KCNJ18: variants seen among roughly 807,000 people sequenced by gnomAD.
KCNJ18 encodes the protein potassium inwardly rectifying channel subfamily J member 18, also known as inward rectifier potassium channel 18.
A neutral mutation model predicts 17.3 loss-of-function variants in KCNJ18; 16 were observed. The ratio of observed to expected loss-of-function variants is 0.92; its 90% CI spans 0.62 to 1.40. KCNJ18 has a LOEUF of 1.40. KCNJ18 is among the 40% of genes most tolerant of loss of function. The pLI, the probability that KCNJ18 is intolerant of heterozygous loss-of-function variation, is 0.00. For synonymous variants in KCNJ18, 185 were observed against 262.6 expected, an observed-to-expected ratio of 0.70 and a Z score of 2.86; for missense variants, 462 against 626.8, an observed-to-expected ratio of 0.74 and a Z score of 2.81.
intron 1 of KCNJ18, among the ~76,000 whole-genome samples, chr17:21,693,471 C>T (rs1335494421): frequency 1.7e-3 from 261 of 152,366 alleles, no homozygotes; most frequent in Middle Eastern, 6.8e-3. Context: ...CTTCTGGCCC[C>T]CACCCCTGCT....
rs1306186601 is a variant in KCNJ18, at chr17:21,703,214, C to T, written c.428C>T (p.Thr143Ile). 2 of 1,610,938 alleles carry T rather than the reference C, an allele frequency of 1.2e-6. No individual in the cohort carries two copies. The highest frequency in any genetic ancestry group is 3.3e-5 in the Admixed American group (2 of 59,870). The stretch of plus-strand genomic sequence containing the variant: ...CTCTTCTCCATCGAGACGCAGACCA[C>T]CATCGGCTACGGGCTGCGCTGTGTG... ...AFLFSIETQTTIGYGLRCVTE... is the reference protein window; with the variant it reads ...AFLFSIETQTIIGYGLRCVTE... The change falls in exon 3 of 3, where the codon ACC (threonine) becomes ATC (isoleucine). Residue 143 changes from threonine to isoleucine, a missense_variant. Thr to Ile is a moderately conservative substitution (Grantham distance 89). Coordinates refer to ENST00000567955, the MANE Select transcript of KCNJ18 (RefSeq NM_001194958.2).
chr17:21,694,830 A>G (rs1431435631), intron 1 of KCNJ18, among the ~76,000 whole-genome samples: 2 of 151,720 alleles, frequency 1.3e-5, no homozygotes, highest in Non-Finnish European at 2.9e-5. Flanking sequence ...CCATCCATGC[A>G]CCCGTCACCC....
At chr17:21,693,440 G>C (rs1442083601) in intron 1 of KCNJ18, among the ~76,000 whole-genome samples, 1 of 152,310 alleles carries the variant, frequency 6.6e-6, no homozygotes, top group East Asian at 1.9e-4. Context: ...AGCAGGATGT[G>C]GATAGATGCT....
At chr17:21,695,002 A>C (rs1905713499) in intron 1 of KCNJ18, among the ~76,000 whole-genome samples, 1 of 150,614 alleles carries the variant, frequency 6.6e-6, no homozygotes, top group Admixed American at 6.6e-5. Flanking sequence ...TCGTCTATCC[A>C]TCCATCCACC....
chr17:21,693,267 T>C (rs1905657008), intron 1 of KCNJ18, among the ~76,000 whole-genome samples: 1 of 152,266 alleles, frequency 6.6e-6, no homozygotes, highest in Non-Finnish European at 1.5e-5. Context: ...GGAAATTCGC[T>C]TCTCTGCTCT....
In KCNJ18 at chr17:21,703,607, T is replaced by C. The variant is rs1270150359; in HGVS notation, c.821T>C (p.Ile274Thr). The change falls in exon 3 of 3, where the codon ATT becomes ACT. Residue 274 changes from isoleucine (I) to threonine (T), a missense_variant. Ile to Thr is a moderately conservative substitution (Grantham distance 89). This residue lies in a region of KCNJ18 where 55 missense variants were observed against 69.1 expected (regional missense o/e 0.80). Transcript: ENST00000567955. ...LVSPITILHE[I>T]DEASPLFGIS... ...TCGCCCATCACCATCTTGCATGAAA[T>C]TGACGAGGCCAGCCCGCTCTTCGGC... The C allele has an allele frequency of 9.9e-6, 16 of 1,612,952 alleles. No homozygotes were observed. In the Admixed American group the frequency reaches 1.7e-4, roughly 17 times the overall value.
rs1254959352 is a variant in KCNJ18 at position 21,703,033 on chromosome 17, A to ATGCT, written c.248_251dup (p.Leu85AlafsTer28). On this transcript the variant is annotated frameshift_variant, in exon 3 of 3. Transcript: ENST00000567955. LOFTEE classifies it high-confidence loss of function. ...CTGTGTGGACATCCGCTGGCGCTAC[A>ATGCT]TGCTGCTCATCTTCTCGCTGGCCTT... 6.2e-7 allele frequency: 1 copy of ATGCT among 1,613,222 alleles called. No homozygotes were observed. The highest frequency in any genetic ancestry group is 8.5e-7 in the Non-Finnish European group (1 of 1,179,900).
chr17:21,699,958 G>A (rs1363227768), intron 2 of KCNJ18, among the ~76,000 whole-genome samples: 584 of 152,390 alleles, frequency 3.8e-3, no homozygotes, highest in African/African-American at 0.013. Flanking sequence ...GTCCCTCAAG[G>A]CCCCTGGGCC....
In KCNJ18 at chr17:21,703,233, C is replaced by A; in HGVS notation, c.447C>A (p.Arg149=). 1 of 1,611,432 alleles carries A rather than the reference C, an allele frequency of 6.2e-7. No individual in the cohort carries two copies. Residue 149 remains arginine, a synonymous_variant, in exon 3 of 3, where the codon CGC becomes CGA. Transcript: ENST00000567955. Reference sequence around the variant, plus strand: ...AGACCACCATCGGCTACGGGCTGCGCTGTGTGACGGAGGAGTGCCTGGTGG... The same window carrying A: ...AGACCACCATCGGCTACGGGCTGCGATGTGTGACGGAGGAGTGCCTGGTGG... The part of the protein sequence containing the change: ...ETQTTIGYGL[R]CVTEECLVAV...
intron 1 of KCNJ18, among the ~76,000 whole-genome samples, chr17:21,695,698 T>C (rs1371822214): frequency 6.6e-6 from 1 of 152,300 alleles, no homozygotes; most frequent in Non-Finnish European, 1.5e-5. Flanking sequence ...ATGATGTATG[T>C]AAAATGCCTA....
intron 2 of KCNJ18, among the ~76,000 whole-genome samples, chr17:21,699,488 C>G (rs1328862611): frequency 1.3e-5 from 2 of 152,150 alleles, no homozygotes; most frequent in Non-Finnish European, 2.9e-5. Flanking sequence ...CTCTCTCTCT[C>G]TCTCACACAC....
At chr17:21,700,097 C>A (rs1227280207) in intron 2 of KCNJ18, among the ~76,000 whole-genome samples, 13 of 152,260 alleles carry the variant, frequency 8.5e-5, no homozygotes, top group Admixed American at 7.2e-4. Context: ...CTCAGGGGTC[C>A]CCCCTGCCGC....
Position 21,703,214 on chromosome 17 carries a change from C to A in KCNJ18, c.428C>A (p.Thr143Asn), listed in dbSNP as rs1306186601. 1 of 1,611,056 alleles carries A rather than the reference C, an allele frequency of 6.2e-7. No homozygotes were observed. Among genetic ancestry groups the A allele is most frequent in the African/African-American group, 1.3e-5 (1 of 74,980 alleles). The stretch of plus-strand genomic sequence containing the variant: ...CTCTTCTCCATCGAGACGCAGACCA[C>A]CATCGGCTACGGGCTGCGCTGTGTG... The part of the protein sequence containing the change: ...AFLFSIETQT[T>N]IGYGLRCVTE... The change falls in exon 3 of 3, where the codon ACC becomes AAC. Residue 143 changes from threonine (T) to asparagine (N), a missense_variant. By Grantham distance (65) the Thr-to-Asn change is moderately conservative. This residue lies in a region of KCNJ18 where 237 missense variants were observed against 259.4 expected (regional missense o/e 0.91). Transcript: ENST00000567955.
At chr17:21,696,195 A>G in intron 2 of KCNJ18, 91 bp downstream of exon 2, 1 of 151,338 alleles carries the variant, frequency 6.6e-6, no homozygotes. Context: ...TCCACCCACC[A>G]TGCCATCCTT....
chr17:21,703,582 T>G lies in KCNJ18; in HGVS notation c.796T>G (p.Ser266Ala). ...GGGCCTGGACCGCATCTTTCTGGTG[T>G]CGCCCATCACCATCTTGCATGAAAT... ...DKGLDRIFLV[S>A]PITILHEIDE... Residue 266 changes from serine to alanine, a missense_variant, in exon 3 of 3, where the codon TCG (serine) becomes GCG (alanine). Around this residue, in one of 5 missense-constraint regions of KCNJ18, gnomAD observed 55 missense variants for 69.1 expected, o/e 0.80. Coordinates refer to ENST00000567955, the MANE Select transcript of KCNJ18 (RefSeq NM_001194958.2). The G allele has an allele frequency of 6.2e-7, 1 of 1,612,852 alleles. No homozygotes were observed. Among genetic ancestry groups the G allele is most frequent in the Non-Finnish European group, 8.5e-7 (1 of 1,179,496 alleles).
intron 1 of KCNJ18, among the ~76,000 whole-genome samples, chr17:21,693,104 A>C (rs1462815906): frequency 6.6e-6 from 1 of 152,306 alleles, no homozygotes; most frequent in Admixed American, 6.5e-5. Context: ...CCCATCCAGG[A>C]TTGTGACCAT....
intron 2 of KCNJ18, among the ~76,000 whole-genome samples, chr17:21,701,269 G>A (rs1290817142): frequency 6.6e-6 from 1 of 152,414 alleles, no homozygotes; most frequent in Admixed American, 6.5e-5. Context: ...GCCTGTCTTG[G>A]GGTGCCTGAA....
rs1174133434 is a variant in KCNJ18, at chr17:21,703,241, C to T, written c.455C>T (p.Thr152Met). ...ATCGGCTACGGGCTGCGCTGTGTGA[C>T]GGAGGAGTGCCTGGTGGCCGTCTTC... ...TTIGYGLRCVTEECLVAVFMV... is the reference protein window; with the variant it reads ...TTIGYGLRCVMEECLVAVFMV... The change falls in exon 3 of 3, where the codon ACG becomes ATG. Residue 152 changes from threonine to methionine, a missense_variant. Physicochemically the swap from Thr to Met is moderately conservative, Grantham distance 81. This residue lies in a region of KCNJ18 where 237 missense variants were observed against 259.4 expected (regional missense o/e 0.91). Transcript: ENST00000567955. 4.2e-5 allele frequency: 68 copies of T among 1,610,874 alleles called. No individual in the cohort carries two copies. The highest frequency in any genetic ancestry group is 1.6e-4 in the Middle Eastern group (1 of 6,082).
intron 2 of KCNJ18, among the ~76,000 whole-genome samples, chr17:21,702,322 G>A (rs1219338422): frequency 8.5e-5 from 13 of 152,104 alleles, no homozygotes; most frequent in African/African-American, 2.9e-4. Flanking sequence ...GGAGGGATAG[G>A]CACCGACTCA....
Sources: allele counts gnomAD v4.1 joint callset (sites outside exome capture counted in the v4.1 genomes callset), GRCh38; gene constraint gnomAD v4.1.1; regional missense constraint gnomAD v4.1.1; transcripts MANE v1.5; gene names NCBI Gene and HGNC (gene_info 2026-07-23, HGNC 2026-07-21).